The following RBMS3 variants were observed in gnomAD, a reference collection of about 807,000 sequenced individuals.
RBMS3 encodes the protein RNA binding motif single stranded interacting protein 3.
RBMS3 carries 27 observed loss-of-function variants against 66.8 expected under a neutral mutation model. That is an observed-to-expected ratio of 0.40 (90% CI 0.30 to 0.56). RBMS3 has a LOEUF of 0.56. Ranked by LOEUF, RBMS3 falls within the 20% of genes least tolerant of loss-of-function variation. The probability of loss-of-function intolerance (pLI) is 0.40; values close to 1 mark genes in which losing one functional copy is unlikely to be tolerated. For synonymous variants in RBMS3, 188 were observed against 183.0 expected (o/e 1.03, Z -0.22); for missense variants, 513 against 549.5 (o/e 0.93, Z 0.66).
At chr3:29,897,588 C>A in intron 9 of RBMS3, 113 bp downstream of exon 9, 1 of 908,754 alleles carries the variant, frequency 1.1e-6, no homozygotes, top group South Asian at 1.4e-5. Flanking sequence ...ACACTTTAAT[C>A]ACATCTTAAT....
intron 5 of RBMS3, among the ~76,000 whole-genome samples, chr3:29,745,044 C>A (rs886802040): frequency 1.3e-5 from 2 of 152,142 alleles, no homozygotes; most frequent in Admixed American, 1.3e-4. Context: ...ATTTTACTTG[C>A]GACTATACAT....
At chr3:29,651,831 T>C (rs1022091907) in intron 4 of RBMS3, among the ~76,000 whole-genome samples, 7 of 152,180 alleles carry the variant, frequency 4.6e-5, no homozygotes, top group Non-Finnish European at 7.4e-5. Flanking sequence ...AACTCAGCCA[T>C]ACATACAAGT....
In RBMS3 at chr3:30,005,164, T is replaced by TA; in HGVS notation, c.*1305dup. 6.7e-6 allele frequency: 1 copy of TA among 149,704 alleles called. No individual in the cohort carries two copies. The highest frequency in any genetic ancestry group is 1.5e-5 in the Non-Finnish European group (1 of 67,452). 9.3% of individuals were successfully genotyped at this position (149,704 alleles called of 1,614,324 possible). On this transcript the variant is annotated 3_prime_UTR_variant, in exon 15 of 15. Transcript: ENST00000383767. ...ACCAGTTCTTTCTTTGTTGTTTGTT[T>TA]AAACTACCTTCCACTGGTGTTTTAC...
At chr3:29,514,983 A>G (rs2044567478) in intron 3 of RBMS3, among the ~76,000 whole-genome samples, 1 of 152,100 alleles carries the variant, frequency 6.6e-6, no homozygotes. Flanking sequence ...GATGAGGGTA[A>G]TGAGCCACTA....
At chr3:29,830,106 A>G (rs1241959551) in intron 6 of RBMS3, among the ~76,000 whole-genome samples, 1 of 152,044 alleles carries the variant, frequency 6.6e-6, no homozygotes, top group Non-Finnish European at 1.5e-5. Flanking sequence ...CTTATCAGCT[A>G]ATTATATAGT....
chr3:29,611,184 C>T (rs1357478611), intron 4 of RBMS3, among the ~76,000 whole-genome samples: 4 of 151,950 alleles, frequency 2.6e-5, no homozygotes, highest in African/African-American at 9.7e-5. Flanking sequence ...TGAACTTTAC[C>T]TTCTGTTAAT....
chr3:29,578,317 T>A (rs2047192921), intron 3 of RBMS3, among the ~76,000 whole-genome samples: 1 of 152,176 alleles, frequency 6.6e-6, no homozygotes, highest in Non-Finnish European at 1.5e-5. Flanking sequence ...TGTTTTTGTT[T>A]TTACCGTGTA....
intron 6 of RBMS3, among the ~76,000 whole-genome samples, chr3:29,839,872 A>T (rs916004392): frequency 1.5e-4 from 23 of 151,980 alleles, no homozygotes; most frequent in Non-Finnish European, 3.1e-4. Context: ...AATACAAAAA[A>T]ATTGCCAAAA....
chr3:29,629,106 C>A (rs1178819607), intron 4 of RBMS3, among the ~76,000 whole-genome samples: 1 of 152,010 alleles, frequency 6.6e-6, no homozygotes, highest in Non-Finnish European at 1.5e-5. Context: ...TAAGAAGAAT[C>A]CTAATTTCAG....
intron 4 of RBMS3, among the ~76,000 whole-genome samples, chr3:29,637,653 C>CTT (rs2049523872): frequency 6.6e-6 from 1 of 151,892 alleles, no homozygotes; most frequent in South Asian, 2.1e-4. Context: ...CTTGCATGTA[C>CTT]AGGCAGCTTA....
chr3:29,384,321 A>AAAAC (rs914893409), intron 1 of RBMS3, among the ~76,000 whole-genome samples: 4 of 152,050 alleles, frequency 2.6e-5, no homozygotes, highest in African/African-American at 7.3e-5. Flanking sequence ...GTCTCAGGAA[A>AAAAC]AAACAAACAA....
chr3:29,852,812 T>C (rs947770507), intron 6 of RBMS3, among the ~76,000 whole-genome samples: 1 of 152,216 alleles, frequency 6.6e-6, no homozygotes, highest in Non-Finnish European at 1.5e-5. Flanking sequence ...TTCCTAGGTA[T>C]ATACCCAAAG....
chr3:29,631,960 T>TG, intron 4 of RBMS3, among the ~76,000 whole-genome samples: 1 of 151,918 alleles, frequency 6.6e-6, no homozygotes, highest in African/African-American at 2.4e-5. Context: ...ACATGTGCAT[T>TG]TGCATGCCAA....
rs2031805416 is a variant in RBMS3, at chr3:29,281,760, T to A, written c.75+4T>A. The A allele has an allele frequency of 3.7e-6, 6 of 1,609,220 alleles. No individual in the cohort carries two copies. Among genetic ancestry groups the A allele is most frequent in the Non-Finnish European group, 5.1e-6 (6 of 1,176,140 alleles). Reference sequence around the variant, plus strand: ...TCCTCATTATCTCCAAACCAAGGTATGGCTTGACCCACGGTCTGGCGATCA... The same window carrying A: ...TCCTCATTATCTCCAAACCAAGGTAAGGCTTGACCCACGGTCTGGCGATCA... On this transcript the variant is annotated splice_donor_region_variant and intron_variant, in intron 1 of 14. Transcript: ENST00000383767.
intron 1 of RBMS3, among the ~76,000 whole-genome samples, chr3:29,292,718 T>A (rs1287590161): frequency 6.6e-6 from 1 of 151,584 alleles, no homozygotes; most frequent in African/African-American, 2.4e-5. Context: ...CGGTTATTTA[T>A]AAGAAACAGG....
chr3:29,973,703 T>C (rs1697370489), intron 12 of RBMS3, among the ~76,000 whole-genome samples: 1 of 152,008 alleles, frequency 6.6e-6, no homozygotes, highest in Non-Finnish European at 1.5e-5. Flanking sequence ...CCTTTCTCTA[T>C]TCTATCCTAG....
intron 3 of RBMS3, among the ~76,000 whole-genome samples, chr3:29,491,511 A>T (rs1429547220): frequency 1.3e-5 from 2 of 152,222 alleles, no homozygotes; most frequent in African/African-American, 4.8e-5. Flanking sequence ...TAAATATGAA[A>T]ATGTTGAGTT....
At chr3:29,362,229 G>A (rs1442455208) in intron 1 of RBMS3, among the ~76,000 whole-genome samples, 1 of 152,166 alleles carries the variant, frequency 6.6e-6, no homozygotes. Flanking sequence ...GGGTTTTGGT[G>A]TGGATGTCCT....
chr3:29,879,808 A>AC (rs1464549928), intron 7 of RBMS3, among the ~76,000 whole-genome samples: 3 of 152,070 alleles, frequency 2.0e-5, no homozygotes, highest in Non-Finnish European at 4.4e-5. Context: ...TTAAAAAAAA[A>AC]AAATAATTCA....
Sources: allele counts gnomAD v4.1 joint callset (sites outside exome capture counted in the v4.1 genomes callset), GRCh38; gene constraint gnomAD v4.1.1; transcripts MANE v1.5; gene names NCBI Gene and HGNC (gene_info 2026-07-23, HGNC 2026-07-21).